GAD2: variants seen among roughly 807,000 people sequenced by gnomAD.
The protein encoded by GAD2 is 65 kDa glutamic acid decarboxylase.
GAD2 carries 22 observed loss-of-function variants against 80.1 expected under a neutral mutation model. The ratio of observed to expected loss-of-function variants is 0.27; its 90% CI spans 0.20 to 0.39. GAD2 has a LOEUF of 0.39. Among genes scored for constraint, GAD2 ranks in the 10% least tolerant of loss-of-function variants. GAD2 has a pLI of 1.00. For missense variants in GAD2, 624 were observed against 738.4 expected (o/e 0.85, Z 1.80); for synonymous variants, 274 against 256.9 (o/e 1.07, Z -0.64).
chr10:26,268,341 G>A (rs1317461157), intron 8 of GAD2, among the ~76,000 whole-genome samples: 2 of 151,918 alleles, frequency 1.3e-5, no homozygotes, highest in African/African-American at 2.4e-5. Flanking sequence ...GGTGGCGGGC[G>A]CCTGTAGTCC....
chr10:26,278,455 A>G (rs774811355), intron 11 of GAD2, among the ~76,000 whole-genome samples: 4 of 152,194 alleles, frequency 2.6e-5, no homozygotes, highest in Non-Finnish European at 5.9e-5. Flanking sequence ...TAGTTGAGGA[A>G]ATCTAGGCAC....
rs914022253 is a variant in GAD2, at chr10:26,303,850, A to G, written c.*2889A>G. ...TTGGGGTTGTGCACTTTAGATCTGA[A>G]CTGTACAGTGTTGCAAATCAACATG... On this transcript the variant is annotated 3_prime_UTR_variant, in exon 16 of 16. Coordinates refer to ENST00000376261, the MANE Select transcript of GAD2 (RefSeq NM_001134366.2). The G allele has an allele frequency of 1.3e-5, 2 of 152,206 alleles. No homozygotes were observed. Among genetic ancestry groups the G allele is most frequent in the Non-Finnish European group, 2.9e-5 (2 of 68,042 alleles). 9.4% of individuals were successfully genotyped at this position (152,206 alleles called of 1,614,324 possible). A position where few individuals can be genotyped will look rare whatever the true frequency, so the allele number is the denominator to read the frequency against.
intron 6 of GAD2, among the ~76,000 whole-genome samples, chr10:26,228,673 T>C (rs1055191140): frequency 6.6e-5 from 10 of 152,188 alleles, no homozygotes; most frequent in African/African-American, 2.4e-4. Flanking sequence ...GAGATTCTCA[T>C]AGGAGCGTGA....
chr10:26,259,920 A>G (rs1844989074), intron 8 of GAD2, among the ~76,000 whole-genome samples: 3 of 152,202 alleles, frequency 2.0e-5, no homozygotes, highest in Admixed American at 1.3e-4. Flanking sequence ...AAAAATAAGA[A>G]TGACAACATA....
At chr10:26,266,132 C>G (rs979379388) in intron 8 of GAD2, among the ~76,000 whole-genome samples, 1 of 152,190 alleles carries the variant, frequency 6.6e-6, no homozygotes, top group African/African-American at 2.4e-5. Flanking sequence ...GTCTTTTTAT[C>G]AGTTTATTAT....
rs946448094 is a variant in GAD2 at position 26,302,284 on chromosome 10, C to G, written c.*1323C>G. The stretch of plus-strand genomic sequence containing the variant: ...GGTTGTTTTTCTTCCATGAAATGAG[C>G]CTCTCACCCTAGATTTTGAGGCATT... On this transcript the variant is annotated 3_prime_UTR_variant, in exon 16 of 16. Coordinates refer to ENST00000376261, the MANE Select transcript of GAD2 (RefSeq NM_001134366.2). 2 of 152,006 alleles carry G rather than the reference C, an allele frequency of 1.3e-5. No homozygotes were observed. Among genetic ancestry groups the G allele is most frequent in the Admixed American group, 1.3e-4 (2 of 15,260 alleles). 9.4% of individuals were successfully genotyped at this position (152,006 alleles called of 1,614,324 possible).
At chr10:26,256,895 A>G (rs1332261366) in intron 8 of GAD2, among the ~76,000 whole-genome samples, 1 of 152,194 alleles carries the variant, frequency 6.6e-6, no homozygotes, top group African/African-American at 2.4e-5. Flanking sequence ...CCACTAGTTT[A>G]GCATCTACTG....
At chr10:26,281,540 C>T (rs1845272193) in intron 12 of GAD2, among the ~76,000 whole-genome samples, 1 of 152,152 alleles carries the variant, frequency 6.6e-6, no homozygotes, top group South Asian at 2.1e-4. Context: ...GTTCTGATTA[C>T]AGTCAGATGA....
In GAD2 at chr10:26,286,551, C is replaced by A; in HGVS notation, c.1386+57C>A. 3.4e-6 allele frequency: 5 copies of A among 1,492,222 alleles called. No individual in the cohort carries two copies. The South Asian group carries it at 5.3e-5, about 16-fold the overall frequency. The allele number at this position is 1,492,222 out of a possible 1,614,324, so 92.4% of individuals were successfully genotyped here. A position where few individuals can be genotyped will look rare whatever the true frequency, so the allele number is the denominator to read the frequency against. ...TAAAAACAGAACCTTTATCTGGTGA[C>A]CCCATTATGAAATGTCAAAAAAGTG... On this transcript the variant is annotated intron_variant, in intron 13 of 15. Coordinates refer to ENST00000376261, the MANE Select transcript of GAD2 (RefSeq NM_001134366.2).
intron 12 of GAD2, among the ~76,000 whole-genome samples, chr10:26,282,667 T>C (rs1440589470): frequency 6.6e-6 from 1 of 152,238 alleles, no homozygotes; most frequent in Non-Finnish European, 1.5e-5. Flanking sequence ...ATAGAATCCT[T>C]AAACATATAC....
intron 9 of GAD2, 49 bp downstream of exon 9, chr10:26,269,222 C>T (rs774334057): frequency 4.2e-5 from 61 of 1,436,418 alleles, no homozygotes; most frequent in Middle Eastern, 1.8e-4. Flanking sequence ...TATTTCCATC[C>T]ACCGGAGAAC....
intron 7 of GAD2, 53 bp downstream of exon 7, chr10:26,229,830 T>C (rs1844577114): frequency 1.5e-6 from 2 of 1,335,526 alleles, no homozygotes; most frequent in Non-Finnish European, 1.1e-6. Context: ...AAAGCCCGAG[T>C]TTAAGGAGTG....
chr10:26,292,333 G>A, intron 13 of GAD2, 132 bp from the exon 14 acceptor site: 2 of 645,224 alleles, frequency 3.1e-6, no homozygotes, highest in East Asian at 5.5e-5. Context: ...AAAGCCTTTG[G>A]AAACAGCCTT....
chr10:26,252,214 A>G (rs372880481), intron 8 of GAD2, among the ~76,000 whole-genome samples: 34 of 152,154 alleles, frequency 2.2e-4, no homozygotes, highest in South Asian at 1.2e-3. Context: ...GATAGGTTTT[A>G]TTATGTTCTG....
chr10:26,245,139 GC>G (rs1209659510), intron 7 of GAD2, among the ~76,000 whole-genome samples: 1 of 125,940 alleles, frequency 7.9e-6, no homozygotes, highest in African/African-American at 3.2e-5. Flanking sequence ...GGCGACAAGA[GC>G]AAAACTCTGT....
intron 15 of GAD2, among the ~76,000 whole-genome samples, chr10:26,298,310 A>C (rs952941937): frequency 1.3e-5 from 2 of 152,168 alleles, no homozygotes; most frequent in Non-Finnish European, 2.9e-5. Context: ...TCCGAATCTT[A>C]TTTTCCTTCT....
chr10:26,218,936 T>C (rs916258328), intron 3 of GAD2, 107 bp from the exon 4 acceptor site: 13 of 815,122 alleles, frequency 1.6e-5, no homozygotes, highest in Non-Finnish European at 2.2e-5. Flanking sequence ...AAGCTTTATC[T>C]AACATGAAAT....
intron 8 of GAD2, among the ~76,000 whole-genome samples, chr10:26,266,168 C>T (rs1378373599): frequency 6.6e-6 from 1 of 152,102 alleles, no homozygotes; most frequent in Non-Finnish European, 1.5e-5. Context: ...GCATGGAAAC[C>T]CTGGAGAGTA....
intron 12 of GAD2, 127 bp from the exon 13 acceptor site, chr10:26,286,218 G>T (rs1479805116): frequency 1.2e-6 from 1 of 848,338 alleles, no homozygotes; most frequent in Non-Finnish European, 1.8e-6. Context: ...TTTTAAAATT[G>T]ATTCTTACTG....
Sources: allele counts gnomAD v4.1 joint callset (sites outside exome capture counted in the v4.1 genomes callset), GRCh38; gene constraint gnomAD v4.1.1; transcripts MANE v1.5; gene names NCBI Gene and HGNC (gene_info 2026-07-23, HGNC 2026-07-21).